The following SPIRE2 variants were observed in gnomAD, a reference collection of about 807,000 sequenced individuals.
SPIRE2 encodes the protein spire type actin nucleation factor 2.
Under a neutral mutation model 80.7 loss-of-function variants are expected in SPIRE2, and 76 were observed. The ratio of observed to expected loss-of-function variants is 0.94; its 90% confidence interval spans 0.78 to 1.14. The LOEUF is 1.14. Ranked by LOEUF, SPIRE2 falls within the 50% of genes most tolerant of loss-of-function variation. SPIRE2 has a pLI of 0.00. For synonymous variants in SPIRE2, 535 were observed against 432.6 expected (o/e 1.24, Z -2.94); for missense variants, 1,196 against 1,015.3 (o/e 1.18, Z -2.42).
intron 14 of SPIRE2, among the ~76,000 whole-genome samples, 153 bp from the exon 15 acceptor site, chr16:89,869,897 G>A (rs1461426045): frequency 6.6e-6 from 1 of 152,190 alleles, no homozygotes; most frequent in Non-Finnish European, 1.5e-5. Flanking sequence ...AGTCTGCTGA[G>A]ATGAACACTG....
chr16:89,855,719 G>A (rs770070838), intron 6 of SPIRE2, 33 bp downstream of exon 6: 24 of 1,603,448 alleles, frequency 1.5e-5, no homozygotes, highest in Admixed American at 1.2e-4. Context: ...CTCAGGGGCC[G>A]CCCGGGGCCT....
intron 1 of SPIRE2, among the ~76,000 whole-genome samples, chr16:89,844,214 G>A (rs2041535408): frequency 6.6e-6 from 1 of 151,848 alleles, no homozygotes; most frequent in Non-Finnish European, 1.5e-5. Context: ...AAGCTGAAGT[G>A]CAGTGGCATG....
At chr16:89,853,293 G>C (rs1219607254) in intron 3 of SPIRE2, among the ~76,000 whole-genome samples, 1 of 127,654 alleles carries the variant, frequency 7.8e-6, no homozygotes, top group Non-Finnish European at 1.7e-5. Flanking sequence ...ATGAGCCACT[G>C]TTCCCGGCCA....
chr16:89,845,401 G>T (rs372255640), intron 2 of SPIRE2, 36 bp downstream of exon 2: 1 of 1,530,618 alleles, frequency 6.5e-7, no homozygotes, highest in African/African-American at 1.4e-5. Flanking sequence ...TACTTGATGT[G>T]TGTTAAAACG....
At position 89,828,621 on chromosome 16, in the gene SPIRE2, T is replaced by C. The variant is rs1329052674; in HGVS notation, c.71T>C (p.Leu24Pro). 1 of 1,327,726 alleles carries C rather than the reference T, an allele frequency of 7.5e-7. No individual in the cohort carries two copies. Among genetic ancestry groups the C allele is most frequent in the Non-Finnish European group, 9.7e-7 (1 of 1,027,798 alleles). 82.2% of individuals were successfully genotyped at this position (1,327,726 alleles called of 1,614,324 possible). The stretch of plus-strand genomic sequence containing the variant: ...CGGCCGGAGCCCTGGGAGCTGTCCC[T>C]GGAGGAGGTGCTGAAGGCCTACGAG... ...AGRPEPWELS[L>P]EEVLKAYEQP... is the part of the protein sequence containing the mutation. Residue 24 changes from leucine to proline, a missense_variant, in exon 1 of 15, where the codon CTG becomes CCG. Transcript: ENST00000378247. The surrounding 1 kb of genome is among the most constrained non-coding windows in gnomAD (Gnocchi z 5.9).
chr16:89,863,343 C>T lies in SPIRE2; in HGVS notation c.1576-133C>T, dbSNP rs2041760594. ...GATGGATGGCTGATGGACAAGATGG[C>T]TGATGGACAGCGTTTTAGAAGGTCG... On this transcript the variant is annotated intron_variant, in intron 10 of 14. Transcript: ENST00000378247. This position sits in a 1 kb window ranked among gnomAD's most constrained non-coding sequence, Gnocchi z 4.3. 1 of 946,682 alleles carries T rather than the reference C, an allele frequency of 1.1e-6. No individual in the cohort carries two copies. The highest frequency in any genetic ancestry group is 1.7e-5 in the African/African-American group (1 of 60,476). The allele number at this position is 946,682 out of a possible 1,614,324, so 58.6% of individuals were successfully genotyped here. A position where few individuals can be genotyped will look rare whatever the true frequency, so the allele number is the denominator to read the frequency against.
At chr16:89,850,096 A>G in intron 2 of SPIRE2, 1 of 691,078 alleles carries the variant, frequency 1.4e-6, no homozygotes, top group South Asian at 1.5e-5. Flanking sequence ...TCGGCCTCCC[A>G]AAGTGCTGGG....
chr16:89,838,558 G>A (rs188762970), intron 1 of SPIRE2, among the ~76,000 whole-genome samples: 1 of 152,142 alleles, frequency 6.6e-6, no homozygotes, highest in African/African-American at 2.4e-5. Flanking sequence ...AGCACGGTGA[G>A]CCACGGAAGC....
Position 89,867,154 on chromosome 16 carries a change from G to GT in SPIRE2, c.1779-1027dup, listed in dbSNP as rs1217035120. ...TTGTTGTTGTTGTTGTTTGCTTTTT[G>GT]TTTTTTTTGAGACAGAGTCTCTCTC... On this transcript the variant is annotated intron_variant, in intron 12 of 14. Coordinates refer to ENST00000378247, the MANE Select transcript of SPIRE2 (RefSeq NM_032451.2). 8.0e-5 allele frequency among the ~76,000 whole-genome samples: 12 copies of GT among 149,678 alleles called. No individual in the cohort carries two copies. The East Asian group carries it at 1.2e-3, about 15-fold the overall frequency.
Position 89,828,598 on chromosome 16 carries a change from G to A in SPIRE2, c.48G>A (p.Arg16=). ...SCGGAAAGAG[R]PEPWELSLEE... ...GCGGCGCCGCGGCGGGCGCAGGGCG[G>A]CCGGAGCCCTGGGAGCTGTCCCTGG... The change falls in exon 1 of 15, where the codon CGG becomes CGA. Residue 16 remains arginine, a synonymous_variant. Transcript: ENST00000378247. The surrounding 1 kb of genome is among the most constrained non-coding windows in gnomAD (Gnocchi z 5.9). 1.6e-6 allele frequency: 2 copies of A among 1,222,632 alleles called. No individual in the cohort carries two copies. Among genetic ancestry groups the A allele is most frequent in the Non-Finnish European group, 2.0e-6 (2 of 977,264 alleles). 75.7% of individuals were successfully genotyped at this position (1,222,632 alleles called of 1,614,324 possible). A position where few individuals can be genotyped will look rare whatever the true frequency, so the allele number is the denominator to read the frequency against.
intron 1 of SPIRE2, among the ~76,000 whole-genome samples, chr16:89,837,288 G>A (rs759299737): frequency 2.0e-5 from 3 of 152,160 alleles, no homozygotes; most frequent in East Asian, 1.9e-4. Flanking sequence ...CAGGGGACTC[G>A]GATGGTGGTG....
rs140635753 is a variant in SPIRE2 at position 89,842,615 on chromosome 16, T to C, written c.245-2707T>C. Among the ~76,000 whole-genome samples, 247 of 152,364 alleles carry C rather than the reference T, an allele frequency of 1.6e-3. 1 individual carries two copies. Among genetic ancestry groups the C allele is most frequent in the African/African-American group, 5.3e-3 (220 of 41,592 alleles). On this transcript the variant is annotated intron_variant, in intron 1 of 14. Transcript: ENST00000378247. ...TTCCAACCAGAAGCTTCCCATGCAC[T>C]GAGGACCTCGCCTGATGTGGGCTTA...
intron 1 of SPIRE2, among the ~76,000 whole-genome samples, chr16:89,837,011 C>A (rs1040190561): frequency 2.6e-5 from 4 of 151,990 alleles, no homozygotes; most frequent in African/African-American, 9.7e-5. Context: ...AGAAAAAATC[C>A]TGCACCCCAG....
chr16:89,834,633 G>T (rs1400411354), intron 1 of SPIRE2, among the ~76,000 whole-genome samples: 1 of 122,178 alleles, frequency 8.2e-6, no homozygotes, highest in Non-Finnish European at 1.8e-5. Flanking sequence ...GTTGGCCGTT[G>T]TAGAAGCCTG....
At chr16:89,864,263 G>C (rs1312674319) in intron 12 of SPIRE2, among the ~76,000 whole-genome samples, 1 of 152,174 alleles carries the variant, frequency 6.6e-6, no homozygotes, top group Non-Finnish European at 1.5e-5. Flanking sequence ...GAGGAGGTCA[G>C]GCTGAGAATC....
At position 89,830,908 on chromosome 16, in the gene SPIRE2, CTTT is replaced by C. The variant is rs146029809; in HGVS notation, c.244+2131_244+2133del. Among the ~76,000 whole-genome samples the C allele has an allele frequency of 5.1e-3, 602 of 117,286 alleles. 5 individuals carry two copies. The highest frequency in any genetic ancestry group is 0.014 in the African/African-American group (427 of 30,616). 76.9% of individuals were successfully genotyped at this position (117,286 alleles called of 152,430 possible). A position where few individuals can be genotyped will look rare whatever the true frequency, so the allele number is the denominator to read the frequency against. The stretch of plus-strand genomic sequence containing the variant: ...TGAAGACTTTGTAACTGCTTAGAAT[CTTT>C]TTTTTTTTTTTTTTTTGAGAGGGAG... On this transcript the variant is annotated intron_variant, in intron 1 of 14. Transcript: ENST00000378247.
intron 1 of SPIRE2, among the ~76,000 whole-genome samples, chr16:89,833,528 C>G (rs905576556): frequency 6.6e-6 from 1 of 152,236 alleles, no homozygotes; most frequent in Admixed American, 6.5e-5. Context: ...CAGCTCAGCC[C>G]CTACGCCCTG....
chr16:89,861,286 G>A (rs2041742398), intron 10 of SPIRE2, among the ~76,000 whole-genome samples: 1 of 152,238 alleles, frequency 6.6e-6, no homozygotes, highest in African/African-American at 2.4e-5. Flanking sequence ...AATCAACTGA[G>A]GTAAGGGGAG....
intron 3 of SPIRE2, among the ~76,000 whole-genome samples, 200 bp from the exon 4 acceptor site, chr16:89,854,086 T>C (rs995478841): frequency 5.3e-5 from 8 of 152,264 alleles, no homozygotes; most frequent in Admixed American, 4.6e-4. Flanking sequence ...TCCACACCTG[T>C]GTCCGCCGCC....
Sources: gnomAD v4.1 joint callset for allele counts (sites outside exome capture counted in the v4.1 genomes callset) on GRCh38, gnomAD v4.1.1 for gene constraint, Gnocchi (gnomAD v3.1) non-coding constraint, MANE v1.5 for transcripts, NCBI Gene and HGNC (gene_info 2026-07-23, HGNC 2026-07-21) for gene names.